Variants in MCTP1 observed in about 807,000 individuals in gnomAD.
The protein encoded by MCTP1 is multiple C2 and transmembrane domain-containing protein 1.
In MCTP1, 69 loss-of-function variants were observed where a neutral mutation model predicts 120.6. That is an observed-to-expected ratio of 0.57 (90% CI 0.47 to 0.70). MCTP1 has a LOEUF of 0.70. Among genes scored for constraint, MCTP1 ranks in the 30% least tolerant of loss-of-function variants. MCTP1 has a pLI of 0.00. For synonymous variants in MCTP1, 529 were observed against 493.1 expected, an observed-to-expected ratio of 1.07 and a Z score of -0.96; for missense variants, 1,203 against 1,248.8, an observed-to-expected ratio of 0.96 and a Z score of 0.55.
chr5:94,852,386 G>A (rs1427735202), intron 17 of MCTP1, among the ~76,000 whole-genome samples: 1 of 151,596 alleles, frequency 6.6e-6, no homozygotes, highest in African/African-American at 2.4e-5. Context: ...ATTTAGCTGG[G>A]GCAAATAAAT....
chr5:94,916,528 C>T (rs1391561548), intron 8 of MCTP1, among the ~76,000 whole-genome samples: 2 of 152,122 alleles, frequency 1.3e-5, no homozygotes, highest in Non-Finnish European at 2.9e-5. Context: ...TCATTTATTA[C>T]TTTTACTTAT....
At chr5:95,146,366 T>G (rs1235063895) in intron 1 of MCTP1, among the ~76,000 whole-genome samples, 1 of 152,194 alleles carries the variant, frequency 6.6e-6, no homozygotes, top group Non-Finnish European at 1.5e-5. Flanking sequence ...TTGTAGTAAC[T>G]TTTGCATCTC....
intron 1 of MCTP1, among the ~76,000 whole-genome samples, chr5:95,179,443 T>G (rs1217605282): frequency 1.3e-5 from 2 of 152,162 alleles, no homozygotes; most frequent in Non-Finnish European, 2.9e-5. Flanking sequence ...AAGCATCAGG[T>G]AACCTATAAA....
chr5:95,092,152 G>A (rs1055290243), intron 1 of MCTP1, among the ~76,000 whole-genome samples: 3 of 152,064 alleles, frequency 2.0e-5, no homozygotes, highest in African/African-American at 4.8e-5. Context: ...ATATTCATGT[G>A]GTTTTATGGT....
chr5:94,888,640 G>T (rs1581199819), intron 12 of MCTP1, among the ~76,000 whole-genome samples: 1 of 152,126 alleles, frequency 6.6e-6, no homozygotes, highest in Admixed American at 6.5e-5. Context: ...TTCGAAGAAG[G>T]CAACAATTCA....
chr5:94,719,498 C>G (rs1561524367), intron 19 of MCTP1, among the ~76,000 whole-genome samples: 1 of 152,128 alleles, frequency 6.6e-6, no homozygotes, highest in African/African-American at 2.4e-5. Context: ...AAAAAAGGAA[C>G]TAGATCATGT....
At chr5:94,896,410 CT>C (rs982962316) in intron 10 of MCTP1, among the ~76,000 whole-genome samples, 8 of 149,462 alleles carry the variant, frequency 5.4e-5, no homozygotes, top group South Asian at 2.1e-4. Context: ...CTTTCACTCA[CT>C]TTTTTTTTTC....
intron 1 of MCTP1, chr5:95,081,665 G>A: frequency 1.5e-6 from 2 of 1,320,790 alleles, no homozygotes; most frequent in South Asian, 4.7e-5. Flanking sequence ...AAGAACCCGT[G>A]ATGTTTAAAT....
chr5:95,089,741 C>T (rs1755704633), intron 1 of MCTP1, among the ~76,000 whole-genome samples: 1 of 152,130 alleles, frequency 6.6e-6, no homozygotes, highest in Non-Finnish European at 1.5e-5. Flanking sequence ...AGTTCATGAA[C>T]TCTTTCCAGA....
At chr5:95,091,248 C>CTGTCCA (rs1755822218) in intron 1 of MCTP1, among the ~76,000 whole-genome samples, 2 of 152,220 alleles carry the variant, frequency 1.3e-5, no homozygotes, top group Admixed American at 1.3e-4. Flanking sequence ...CTTCAATGCC[C>CTGTCCA]TGTCCACCTC....
intron 2 of MCTP1, among the ~76,000 whole-genome samples, chr5:94,993,367 G>T (rs554576280): frequency 1.3e-5 from 2 of 152,272 alleles, no homozygotes; most frequent in South Asian, 4.1e-4. Flanking sequence ...ATGCAATACA[G>T]AAGTGTAAAA....
intron 1 of MCTP1, among the ~76,000 whole-genome samples, chr5:95,259,143 T>C (rs1758210866): frequency 6.6e-6 from 1 of 152,130 alleles, no homozygotes; most frequent in Non-Finnish European, 1.5e-5. Flanking sequence ...CCACAGTCAA[T>C]GTTGACTACG....
intron 17 of MCTP1, among the ~76,000 whole-genome samples, chr5:94,832,527 T>G (rs1788746424): frequency 6.6e-6 from 1 of 152,110 alleles, no homozygotes. Flanking sequence ...TTTGGCTTCT[T>G]TGACTCATGG....
At chr5:94,922,742 C>A (rs1811999916) in intron 7 of MCTP1, among the ~76,000 whole-genome samples, 1 of 152,156 alleles carries the variant, frequency 6.6e-6, no homozygotes, top group Non-Finnish European at 1.5e-5. Flanking sequence ...CCCGCCTCAG[C>A]CTCCCAAAGT....
At chr5:94,737,115 A>C (rs1764448658) in intron 19 of MCTP1, among the ~76,000 whole-genome samples, 1 of 152,140 alleles carries the variant, frequency 6.6e-6, no homozygotes, top group Non-Finnish European at 1.5e-5. Flanking sequence ...TAGCCTCTGG[A>C]GTACCTGGGA....
rs144168916 is a variant in MCTP1 at position 94,826,856 on chromosome 5, G to C, written c.2437-27724C>G. Among the ~76,000 whole-genome samples, 265 of 128,154 alleles carry C rather than the reference G, an allele frequency of 2.1e-3. 3 individuals are homozygous for C. The East Asian group carries it at 0.054, about 26-fold the overall frequency. The allele number at this position is 128,154 out of a possible 152,430, so 84.1% of individuals were successfully genotyped here. A position where few individuals can be genotyped will look rare whatever the true frequency, so the allele number is the denominator to read the frequency against. On this transcript the variant is annotated intron_variant, in intron 17 of 22. Transcript: ENST00000515393. ...TCCTCCATCCCTTTATTTTGAGCCT[G>C]TGTGTGTCTTTGCTTTTGAGATAAG...
At chr5:94,809,188 T>C (rs1399989460) in intron 17 of MCTP1, among the ~76,000 whole-genome samples, 3 of 151,928 alleles carry the variant, frequency 2.0e-5, no homozygotes, top group African/African-American at 7.2e-5. Flanking sequence ...CTTTCCTTGA[T>C]GGAGATATTA....
intron 1 of MCTP1, among the ~76,000 whole-genome samples, chr5:95,187,049 TA>T (rs1749284838): frequency 6.6e-6 from 1 of 152,130 alleles, no homozygotes; most frequent in South Asian, 2.1e-4. Context: ...GGAGGTTGCT[TA>T]AAAAACTAAA....
chr5:95,005,635 T>C (rs1834561930), intron 2 of MCTP1, among the ~76,000 whole-genome samples: 1 of 152,164 alleles, frequency 6.6e-6, no homozygotes. Flanking sequence ...TCTTGCTCTC[T>C]TGCTGGACAG....
Sources: gnomAD v4.1 joint callset for allele counts (sites outside exome capture counted in the v4.1 genomes callset) on GRCh38, gnomAD v4.1.1 for gene constraint, MANE v1.5 for transcripts, NCBI Gene and HGNC (gene_info 2026-07-23, HGNC 2026-07-21) for gene names.